Variants in NTNG2 observed in about 807,000 individuals in gnomAD.
NTNG2 encodes the protein netrin G2.
A neutral mutation model predicts 47.6 loss-of-function variants in NTNG2; 15 were observed. The ratio of observed to expected loss-of-function variants is 0.32; its 90% confidence interval spans 0.21 to 0.49. NTNG2 has a LOEUF of 0.49. NTNG2 is among the 20% of genes least tolerant of loss of function. The probability of loss-of-function intolerance (pLI) is 0.99; values close to 1 mark genes in which losing one functional copy is unlikely to be tolerated. For missense variants in NTNG2, 578 were observed against 764.6 expected (o/e 0.76, Z 2.88); for synonymous variants, 307 against 324.6 (o/e 0.95, Z 0.58).
At chr9:132,192,303 T>C (rs940787838) in intron 2 of NTNG2, among the ~76,000 whole-genome samples, 2 of 152,120 alleles carry the variant, frequency 1.3e-5, no homozygotes, top group Non-Finnish European at 2.9e-5. Flanking sequence ...CAGTGAAGAA[T>C]AGAAGGTCCA....
rs1166568366 is a variant in NTNG2 at position 132,226,798 on chromosome 9, C to T, written c.858-51C>T. ...GCGCTCCTTTCCCCAGAGGCCAGGC[C>T]AGGCTGCCCACAAGCTCTCTGACAT... On this transcript the variant is annotated intron_variant, in intron 3 of 7. Transcript: ENST00000393229. This position sits in a 1 kb window ranked among gnomAD's most constrained non-coding sequence, Gnocchi z 4.8. 4 of 1,481,952 alleles carry T rather than the reference C, an allele frequency of 2.7e-6. No homozygotes were observed. The highest frequency in any genetic ancestry group is 2.8e-5 in the African/African-American group (2 of 70,962). 91.8% of individuals were successfully genotyped at this position (1,481,952 alleles called of 1,614,324 possible).
chr9:132,171,659 G>T (rs956334896), intron 2 of NTNG2, among the ~76,000 whole-genome samples: 1 of 152,210 alleles, frequency 6.6e-6, no homozygotes, highest in Non-Finnish European at 1.5e-5. Context: ...CTCCCCCAGG[G>T]GGTCTGCTGG....
In NTNG2 at chr9:132,162,661, G is replaced by A. The variant is rs1451205312; in HGVS notation, c.-484+422G>A. Among the ~76,000 whole-genome samples the A allele has an allele frequency of 1.4e-5, 2 of 147,200 alleles. No homozygotes were observed. The highest frequency in any genetic ancestry group is 3.0e-5 in the Non-Finnish European group (2 of 67,024). On this transcript the variant is annotated intron_variant, in intron 1 of 7. Transcript: ENST00000393229. This position sits in a 1 kb window ranked among gnomAD's most constrained non-coding sequence, Gnocchi z 4.6. ...GGATGCTCGGATGTGTCTCGGAAAA[G>A]GAAACTAACCCTGCTCCCGCGCCTC...
chr9:132,199,235 G>A (rs1274922874), intron 3 of NTNG2, among the ~76,000 whole-genome samples: 1 of 152,144 alleles, frequency 6.6e-6, no homozygotes, highest in East Asian at 1.9e-4. Flanking sequence ...AGTGCTCTGA[G>A]GCTGTCCACT....
intron 4 of NTNG2, among the ~76,000 whole-genome samples, chr9:132,228,278 T>C (rs1840938699): frequency 6.6e-6 from 1 of 152,194 alleles, no homozygotes; most frequent in East Asian, 1.9e-4. Context: ...CAGCAGGCGG[T>C]GAGACAGGCC....
At chr9:132,217,542 C>G (rs1212449205) in intron 3 of NTNG2, among the ~76,000 whole-genome samples, 1 of 152,192 alleles carries the variant, frequency 6.6e-6, no homozygotes, top group Non-Finnish European at 1.5e-5. Flanking sequence ...TAGAGATAGT[C>G]ATAGTATACT....
chr9:132,196,276 C>A (rs1026849457), intron 2 of NTNG2, among the ~76,000 whole-genome samples: 1 of 152,186 alleles, frequency 6.6e-6, no homozygotes, highest in African/African-American at 2.4e-5. Flanking sequence ...CTGCAACCTA[C>A]GCCTCCAGGG....
At chr9:132,185,822 GGGA>G (rs1368692283) in intron 2 of NTNG2, among the ~76,000 whole-genome samples, 7 of 101,162 alleles carry the variant, frequency 6.9e-5, no homozygotes, top group African/African-American at 1.9e-4. Context: ...TGTGTGTGCA[GGGA>G]GGAGGAGGAG....
intron 4 of NTNG2, 128 bp downstream of exon 4, chr9:132,227,149 G>A: frequency 1.9e-6 from 2 of 1,025,858 alleles, no homozygotes; most frequent in Non-Finnish European, 1.4e-6. Flanking sequence ...GCACATGCAT[G>A]CAAACGTGCA....
intron 2 of NTNG2, among the ~76,000 whole-genome samples, chr9:132,174,641 C>T (rs1416495893): frequency 6.6e-6 from 1 of 152,120 alleles, no homozygotes; most frequent in Non-Finnish European, 1.5e-5. Context: ...AAAAAAGGGC[C>T]GGGTGCACGG....
chr9:132,244,222 G>A lies in NTNG2; in HGVS notation c.*2111G>A, dbSNP rs1411919301. On this transcript the variant is annotated 3_prime_UTR_variant, in exon 8 of 8. Transcript: ENST00000393229. ...GCTCTTCAGTCAGCAGGATGGGGAA[G>A]GAGCCTTCTTGAGACACTGAGCATA... is the stretch of plus-strand genomic sequence containing the variant. The A allele has an allele frequency of 1.3e-5, 2 of 152,250 alleles. No individual in the cohort carries two copies. The highest frequency in any genetic ancestry group is 1.9e-4 in the East Asian group (1 of 5,204). 9.4% of individuals were successfully genotyped at this position (152,250 alleles called of 1,614,324 possible).
At chr9:132,241,838 G>C in intron 7 of NTNG2, 38 bp from the exon 8 acceptor site, 1 of 1,440,996 alleles carries the variant, frequency 6.9e-7, no homozygotes, top group Admixed American at 2.1e-5. Flanking sequence ...CGGGGGGACC[G>C]GGCCACCCCC....
intron 3 of NTNG2, among the ~76,000 whole-genome samples, chr9:132,204,429 G>A (rs750244621): frequency 2.0e-5 from 3 of 152,166 alleles, no homozygotes; most frequent in Non-Finnish European, 2.9e-5. Flanking sequence ...ACAGCAGAGG[G>A]AAGAAAACCA....
Position 132,208,599 on chromosome 9 carries a change from G to A in NTNG2, c.857+9990G>A, listed in dbSNP as rs984002220. ...TGGCAGTGTTGCTGAGTAGCTGATG[G>A]GAGCAGGCGGTGGGAGGCATCATGG... On this transcript the variant is annotated intron_variant, in intron 3 of 7. Transcript: ENST00000393229. The surrounding 1 kb of genome is among the most constrained non-coding windows in gnomAD (Gnocchi z 4.0). Among the ~76,000 whole-genome samples, 3 of 152,116 alleles carry A rather than the reference G, an allele frequency of 2.0e-5. No individual in the cohort carries two copies. Among genetic ancestry groups the A allele is most frequent in the Non-Finnish European group, 4.4e-5 (3 of 68,018 alleles).
intron 2 of NTNG2, among the ~76,000 whole-genome samples, chr9:132,185,629 T>TCGGTG (rs1405669741): frequency 6.6e-6 from 1 of 152,176 alleles, no homozygotes; most frequent in Non-Finnish European, 1.5e-5. Flanking sequence ...CCTCTTCCTC[T>TCGGTG]CGGTGCCTTT....
chr9:132,192,777 CAGAAAG>C (rs1453830461), intron 2 of NTNG2, among the ~76,000 whole-genome samples: 7 of 152,118 alleles, frequency 4.6e-5, no homozygotes, highest in African/African-American at 7.2e-5. Context: ...AGGAGAAAGA[CAGAAAG>C]AGAAAGAGGG....
rs1382360048 is a variant in NTNG2 at position 132,180,488 on chromosome 9, C to T, written c.213+13444C>T. Among the ~76,000 whole-genome samples, 1 of 152,240 alleles carries T rather than the reference C, an allele frequency of 6.6e-6. No individual in the cohort carries two copies. Among genetic ancestry groups the T allele is most frequent in the Non-Finnish European group, 1.5e-5 (1 of 68,042 alleles). ...CCCAGGCAACATCCAAAACCTTTGC[C>T]CACAGTTCTGGGGCTGGCACCGTCC... is the stretch of plus-strand genomic sequence containing the variant. On this transcript the variant is annotated intron_variant, in intron 2 of 7. Coordinates refer to ENST00000393229, the MANE Select transcript of NTNG2 (RefSeq NM_032536.4). This position sits in a 1 kb window ranked among gnomAD's most constrained non-coding sequence, Gnocchi z 4.2.
intron 2 of NTNG2, among the ~76,000 whole-genome samples, chr9:132,177,857 T>C (rs1006975955): frequency 2.6e-5 from 4 of 151,928 alleles, no homozygotes; most frequent in Admixed American, 2.0e-4. Context: ...GGGGTTTCAC[T>C]ATTTGGCCAG....
rs550036936 is a variant in NTNG2, at chr9:132,239,334, C to T, written c.1222+63C>T. ...AATGCGTGCAGGGTGCACTGCCCTGCGAGGTGGCCTCTGGGGCCCCCTGCA... is the reference window on the plus strand; with the variant it reads ...AATGCGTGCAGGGTGCACTGCCCTGTGAGGTGGCCTCTGGGGCCCCCTGCA... On this transcript the variant is annotated intron_variant, in intron 6 of 7. Transcript: ENST00000393229. 7.0e-6 allele frequency: 11 copies of T among 1,580,612 alleles called. No individual in the cohort carries two copies. The East Asian group carries it at 8.9e-5, about 13-fold the overall frequency.
Sources: gnomAD v4.1 joint callset for allele counts (sites outside exome capture counted in the v4.1 genomes callset) on GRCh38, gnomAD v4.1.1 for gene constraint, Gnocchi (gnomAD v3.1) non-coding constraint, MANE v1.5 for transcripts, NCBI Gene and HGNC (gene_info 2026-07-23, HGNC 2026-07-21) for gene names.